ATXN7: variants seen among roughly 807,000 people sequenced by gnomAD.
ATXN7 encodes ataxin 7, also known as ataxin-7.
In ATXN7, 12 loss-of-function variants were observed where a neutral mutation model predicts 70.5. The observed-to-expected ratio is 0.17, with a 90% CI of 0.11 to 0.28. The LOEUF (loss-of-function observed/expected upper bound fraction) is 0.28. Among genes scored for constraint, ATXN7 ranks in the 10% least tolerant of loss-of-function variants. The pLI is 1.00. For missense variants in ATXN7, 1,256 were observed against 1,131.7 expected (o/e 1.11, Z -1.58); for synonymous variants, 498 against 448.7 (o/e 1.11, Z -1.39).
intron 5 of ATXN7, among the ~76,000 whole-genome samples, chr3:63,973,881 G>T (rs1273025571): frequency 6.6e-6 from 1 of 151,940 alleles, no homozygotes; most frequent in Admixed American, 6.6e-5. Context: ...TTAAAGGGAA[G>T]GCACAACTCA....
At chr3:63,988,453 G>T in intron 9 of ATXN7, 129 bp downstream of exon 9, 4 of 1,231,476 alleles carry the variant, frequency 3.2e-6, no homozygotes, top group South Asian at 1.5e-5. Context: ...TTTTTAAGGA[G>T]TTTTACTATG....
chr3:63,892,504 C>T (rs1019785443), intron 1 of ATXN7, among the ~76,000 whole-genome samples: 2 of 151,762 alleles, frequency 1.3e-5, no homozygotes, highest in African/African-American at 4.8e-5. Flanking sequence ...CCCACACACA[C>T]ACACACACAC....
At chr3:63,877,339 ATT>A (rs1166617586) in intron 1 of ATXN7, among the ~76,000 whole-genome samples, 16 of 152,236 alleles carry the variant, frequency 1.1e-4, no homozygotes, top group African/African-American at 3.1e-4. Context: ...CACTATTAAC[ATT>A]TTATGTATAT....
chr3:63,896,889 T>C (rs774902657), intron 1 of ATXN7, among the ~76,000 whole-genome samples: 3 of 152,160 alleles, frequency 2.0e-5, no homozygotes, highest in Non-Finnish European at 4.4e-5. Flanking sequence ...CTTGGATACT[T>C]TGGAGAAATA....
At position 64,002,943 on chromosome 3, in the gene ATXN7, T is replaced by A. The variant is rs1440470989; in HGVS notation, c.*3476T>A. 6.6e-6 allele frequency: 1 copy of A among 152,116 alleles called. No individual in the cohort carries two copies. The highest frequency in any genetic ancestry group is 1.9e-4 in the East Asian group (1 of 5,192). The allele number at this position is 152,116 out of a possible 1,614,324, so 9.4% of individuals were successfully genotyped here. On this transcript the variant is annotated 3_prime_UTR_variant, in exon 13 of 13. Coordinates refer to ENST00000674280, the MANE Select transcript of ATXN7 (RefSeq NM_001377405.1). The stretch of plus-strand genomic sequence containing the variant: ...TACAAAGAAGTACCTCTGAGAACAT[T>A]GAAAAAAATGTATAATTTGAAAAAT...
intron 4 of ATXN7, among the ~76,000 whole-genome samples, chr3:63,936,821 C>T (rs766898703): frequency 1.6e-4 from 24 of 152,102 alleles, no homozygotes; most frequent in Admixed American, 7.2e-4. Flanking sequence ...TTTCTTTATC[C>T]GTGATTCTAC....
intron 12 of ATXN7, chr3:63,997,608 T>C (rs1576008952): frequency 6.5e-7 from 1 of 1,548,934 alleles, no homozygotes; most frequent in Non-Finnish European, 8.7e-7. Context: ...CATCTTGTTA[T>C]TTTATTCATC....
intron 5 of ATXN7, chr3:63,967,850 C>T (rs2075251764): frequency 4.6e-6 from 7 of 1,531,164 alleles, no homozygotes; most frequent in Non-Finnish European, 2.6e-6. Context: ...GGTGGGCAGA[C>T]CCAAATCATG....
intron 1 of ATXN7, among the ~76,000 whole-genome samples, chr3:63,881,906 G>A (rs1288348325): frequency 1.3e-5 from 2 of 152,218 alleles, no homozygotes; most frequent in African/African-American, 4.8e-5. Flanking sequence ...GCTAAACACT[G>A]TGGGGAGTCC....
At chr3:63,991,071 G>T in intron 11 of ATXN7, 1 of 636,124 alleles carries the variant, frequency 1.6e-6, no homozygotes, top group Non-Finnish European at 2.6e-6. Flanking sequence ...AAAGCAGAAG[G>T]ACTCCCACAT....
chr3:63,941,659 G>C (rs974553135), intron 4 of ATXN7, among the ~76,000 whole-genome samples: 2 of 151,882 alleles, frequency 1.3e-5, no homozygotes, highest in Non-Finnish European at 2.9e-5. Context: ...TTTATTGACT[G>C]CTTTGGTTTA....
intron 9 of ATXN7, among the ~76,000 whole-genome samples, chr3:63,988,790 A>G (rs1048742161): frequency 3.9e-5 from 6 of 152,192 alleles, no homozygotes; most frequent in African/African-American, 1.4e-4. Context: ...TGGCCCAAGC[A>G]TGTATTAGCA....
Position 63,995,997 on chromosome 3 carries a change from C to A in ATXN7, c.2175C>A (p.Ser725=), listed in dbSNP as rs1559663124. The change falls in exon 12 of 13, where the codon TCC becomes TCA. Residue 725 remains serine (S), a synonymous_variant. Coordinates refer to ENST00000674280, the MANE Select transcript of ATXN7 (RefSeq NM_001377405.1). ...CTTCCTCCTCCTCTTCCTCCTCCTC[C>A]TCTTCTTCTCATTCCATGGAGTCTT... is the stretch of plus-strand genomic sequence containing the variant. ...VHSSSSSSSS[S]SSSHSMESFR... The A allele has an allele frequency of 8.1e-6, 13 of 1,613,806 alleles. No homozygotes were observed. The highest frequency in any genetic ancestry group is 1.1e-5 in the Non-Finnish European group (13 of 1,179,768).
chr3:63,948,033 CAG>C (rs1004789265), intron 4 of ATXN7, among the ~76,000 whole-genome samples: 33 of 152,076 alleles, frequency 2.2e-4, no homozygotes, highest in African/African-American at 7.2e-4. Context: ...GAATTTTAAA[CAG>C]GGGAGTGATG....
intron 4 of ATXN7, among the ~76,000 whole-genome samples, chr3:63,945,560 C>T (rs1006272099): frequency 5.3e-5 from 8 of 152,308 alleles, no homozygotes; most frequent in Middle Eastern, 3.4e-3. Flanking sequence ...TTCTGACTTA[C>T]GGTGGCATCA....
At chr3:63,888,839 A>G (rs1703171767) in intron 1 of ATXN7, among the ~76,000 whole-genome samples, 1 of 152,092 alleles carries the variant, frequency 6.6e-6, no homozygotes, top group African/African-American at 2.4e-5. Flanking sequence ...ATTCATTCCT[A>G]TTATCCTCAC....
At chr3:63,887,626 C>T (rs1337899972) in intron 1 of ATXN7, among the ~76,000 whole-genome samples, 1 of 152,088 alleles carries the variant, frequency 6.6e-6, no homozygotes, top group African/African-American at 2.4e-5. Context: ...CACTCTGCCA[C>T]CCAGGCTGGA....
At chr3:63,910,610 A>G (rs1040467816) in intron 2 of ATXN7, among the ~76,000 whole-genome samples, 3 of 152,206 alleles carry the variant, frequency 2.0e-5, no homozygotes, top group Non-Finnish European at 4.4e-5. Context: ...AGGGAATTAT[A>G]TGTTTTACTC....
chr3:63,874,390 C>T (rs897607532), intron 1 of ATXN7, among the ~76,000 whole-genome samples: 2 of 152,308 alleles, frequency 1.3e-5, no homozygotes, highest in Non-Finnish European at 2.9e-5. Context: ...AGCTTATAGG[C>T]TGAAGGGGCA....
Sources: allele counts gnomAD v4.1 joint callset (sites outside exome capture counted in the v4.1 genomes callset), GRCh38; gene constraint gnomAD v4.1.1; transcripts MANE v1.5; gene names NCBI Gene and HGNC (gene_info 2026-07-23, HGNC 2026-07-21).